Variants in LETM1 observed in about 807,000 individuals in gnomAD.
The protein encoded by LETM1 is leucine zipper and EF-hand containing transmembrane protein 1.
A neutral mutation model predicts 74.5 loss-of-function variants in LETM1; 50 were observed. The ratio of observed to expected loss-of-function variants is 0.67; its 90% CI spans 0.53 to 0.85. The LOEUF (loss-of-function observed/expected upper bound fraction) is 0.85, where lower values mean the gene tolerates loss of function less well. Among genes scored for constraint, LETM1 ranks in the 40% least tolerant of loss-of-function variants. The pLI, the probability that LETM1 is intolerant of heterozygous loss-of-function variation, is 0.00. For synonymous variants in LETM1, 446 were observed against 407.1 expected (o/e 1.10, Z -1.15); for missense variants, 824 against 967.8 (o/e 0.85, Z 1.97).
rs957758166 is a variant in LETM1, at chr4:1,855,958, G to A, written c.-8C>T. ...CAGTAAGATGGACGCCATGTGCTCG[G>A]GCGCGGCGGCCGCTCCGGCCTCCTG... On this transcript the variant is annotated 5_prime_UTR_variant, in exon 1 of 14. Transcript: ENST00000302787. 2.5e-6 allele frequency: 3 copies of A among 1,212,792 alleles called. No individual in the cohort carries two copies. Among genetic ancestry groups the A allele is most frequent in the South Asian group, 3.9e-5 (1 of 25,690 alleles). The allele number at this position is 1,212,792 out of a possible 1,614,324, so 75.1% of individuals were successfully genotyped here.
chr4:1,834,544 A>G lies in LETM1; in HGVS notation c.876+301T>C. Reference sequence around the variant, plus strand: ...CAAGCCACCCACACCTCACACCATCAGGGTCTCAGGCTCCTCATGGGTCAG... The same window carrying G: ...CAAGCCACCCACACCTCACACCATCGGGGTCTCAGGCTCCTCATGGGTCAG... On this transcript the variant is annotated intron_variant, in intron 5 of 13. Transcript: ENST00000302787. The surrounding 1 kb of genome is among the most constrained non-coding windows in gnomAD (Gnocchi z 5.0). 3 of 1,158,404 alleles carry G rather than the reference A, an allele frequency of 2.6e-6. No individual in the cohort carries two copies. The highest frequency in any genetic ancestry group is 3.2e-6 in the Non-Finnish European group (3 of 936,130). The allele number at this position is 1,158,404 out of a possible 1,614,324, so 71.8% of individuals were successfully genotyped here.
rs765304360 is a variant in LETM1, at chr4:1,823,036, G to C, written c.1428C>G (p.Ile476Met). The C allele has an allele frequency of 6.2e-7, 1 of 1,608,742 alleles. No homozygotes were observed. The highest frequency in any genetic ancestry group is 8.5e-7 in the Non-Finnish European group (1 of 1,177,064). Reference sequence around the variant, plus strand: ...GCTCCTTCTCACGGTGCTCCTGCTGGATGGCCGCCTCCTCCTGCAGCGTGG... The same window carrying C: ...GCTCCTTCTCACGGTGCTCCTGCTGCATGGCCGCCTCCTCCTGCAGCGTGG... ...LEATLQEEAA[I>M]QQEHREKELQ... Residue 476 changes from isoleucine (I) to methionine (M), a missense_variant, in exon 9 of 14, where the codon ATC becomes ATG. By Grantham distance (10) the Ile-to-Met change is conservative. Around this residue, in one of 4 missense-constraint regions of LETM1, gnomAD observed 172 missense variants for 170.7 expected, o/e 1.01. Coordinates refer to ENST00000302787, the MANE Select transcript of LETM1 (RefSeq NM_012318.3).
At chr4:1,817,155 G>A (rs1234433000) in intron 11 of LETM1, among the ~76,000 whole-genome samples, 1 of 145,384 alleles carries the variant, frequency 6.9e-6, no homozygotes, top group East Asian at 2.0e-4. Flanking sequence ...TGAGGCAGGA[G>A]AATCGCTTGA....
intron 3 of LETM1, among the ~76,000 whole-genome samples, chr4:1,838,593 C>T (rs1712570927): frequency 6.6e-6 from 1 of 152,160 alleles, no homozygotes; most frequent in African/African-American, 2.4e-5. Flanking sequence ...AGGAGGATCC[C>T]TTATGCCCGG....
intron 4 of LETM1, 138 bp from the exon 5 acceptor site, chr4:1,835,120 T>A: frequency 2.5e-6 from 2 of 793,154 alleles, no homozygotes; most frequent in Non-Finnish European, 3.9e-6. Context: ...TGCAATACAT[T>A]CTCAAACTCT....
intron 13 of LETM1, among the ~76,000 whole-genome samples, chr4:1,815,102 T>C (rs933202703): frequency 5.3e-5 from 8 of 152,142 alleles, no homozygotes; most frequent in African/African-American, 1.9e-4. Context: ...TTGGGAAAAT[T>C]GGTGTGCGCA....
chr4:1,849,037 G>A, intron 2 of LETM1, 112 bp downstream of exon 2: 1 of 743,296 alleles, frequency 1.3e-6, no homozygotes, highest in East Asian at 2.6e-5. Flanking sequence ...ACAAAGAACA[G>A]GAAAGTAGGA....
chr4:1,851,917 C>A (rs1040236547), intron 1 of LETM1, among the ~76,000 whole-genome samples: 7 of 152,226 alleles, frequency 4.6e-5, no homozygotes. Context: ...CCTGTTCTGA[C>A]GGCTTCTGTC....
intron 10 of LETM1, among the ~76,000 whole-genome samples, chr4:1,821,147 A>G (rs979629682): frequency 1.1e-4 from 17 of 148,108 alleles, no homozygotes; most frequent in Non-Finnish European, 1.8e-4. Context: ...TTTTTGAGAC[A>G]GAGTCTCACT....
In LETM1 at chr4:1,852,909, C is replaced by G. The variant is rs551847399; in HGVS notation, c.82+2960G>C. ...CAGGAAACTTCCAGGGTTCTCAGCC[C>G]TCAGTGCTGGTGCCAGGATCAGGTC... On this transcript the variant is annotated intron_variant, in intron 1 of 13. Coordinates refer to ENST00000302787, the MANE Select transcript of LETM1 (RefSeq NM_012318.3). Among the ~76,000 whole-genome samples, 5 of 152,322 alleles carry G rather than the reference C, an allele frequency of 3.3e-5. No homozygotes were observed. In the East Asian group the frequency reaches 9.6e-4, roughly 29 times the overall value.
Position 1,856,073 on chromosome 4 carries a change from T to G in LETM1, c.-123A>C. 1 of 534,322 alleles carries G rather than the reference T, an allele frequency of 1.9e-6. No homozygotes were observed. The highest frequency in any genetic ancestry group is 2.7e-6 in the Non-Finnish European group (1 of 365,604). 33.1% of individuals were successfully genotyped at this position (534,322 alleles called of 1,614,324 possible). A position where few individuals can be genotyped will look rare whatever the true frequency, so the allele number is the denominator to read the frequency against. On this transcript the variant is annotated 5_prime_UTR_variant, in exon 1 of 14. Transcript: ENST00000302787. ...CGCGCGGACGGCTGACAGAGGCGGC[T>G]GGCCTCGGACGGGAGGCGCTCTCCT...
At chr4:1,827,891 C>A (rs1712058276) in intron 6 of LETM1, among the ~76,000 whole-genome samples, 1 of 151,048 alleles carries the variant, frequency 6.6e-6, no homozygotes, top group Admixed American at 6.6e-5. Flanking sequence ...CCCCCACCTC[C>A]CGGACGGGGC....
chr4:1,854,022 A>G (rs1358452878), intron 1 of LETM1, among the ~76,000 whole-genome samples: 1 of 152,234 alleles, frequency 6.6e-6, no homozygotes, highest in African/African-American at 2.4e-5. Flanking sequence ...CGAAGTGTTA[A>G]AAGTACTTTT....
chr4:1,839,808 G>A (rs545969437), intron 3 of LETM1, among the ~76,000 whole-genome samples: 3 of 152,358 alleles, frequency 2.0e-5, no homozygotes, highest in Non-Finnish European at 4.4e-5. Context: ...GGAGCTTCCA[G>A]AAAGCTGAAC....
intron 6 of LETM1, among the ~76,000 whole-genome samples, chr4:1,828,068 C>T (rs1323918588): frequency 2.9e-5 from 4 of 139,886 alleles, no homozygotes; most frequent in African/African-American, 5.6e-5. Context: ...ACCTCCCTCC[C>T]GGACGGGGCG....
chr4:1,814,376 T>C lies in LETM1; in HGVS notation c.*48A>G, dbSNP rs988398821. On this transcript the variant is annotated 3_prime_UTR_variant, in exon 14 of 14. Coordinates refer to ENST00000302787, the MANE Select transcript of LETM1 (RefSeq NM_012318.3). ...ACAAAGCAATCGCCCTCACGGCCCTTGCCAGGGTGACGGCACAGCAGGAGG... is the reference window on the plus strand; with the variant it reads ...ACAAAGCAATCGCCCTCACGGCCCTCGCCAGGGTGACGGCACAGCAGGAGG... 2.5e-6 allele frequency: 4 copies of C among 1,613,114 alleles called. No individual in the cohort carries two copies. Among genetic ancestry groups the C allele is most frequent in the African/African-American group, 1.3e-5 (1 of 74,942 alleles).
chr4:1,817,245 CAAAAAAAA>C (rs60805612), intron 11 of LETM1, among the ~76,000 whole-genome samples: 4 of 66,070 alleles, frequency 6.1e-5, no homozygotes, highest in South Asian at 6.6e-4. Context: ...ACTCTGTCTC[CAAAAAAAA>C]AAAAAAAAAA....
In LETM1 at chr4:1,833,220, G is replaced by A. The variant is rs968875688; in HGVS notation, c.877-273C>T. 8.1e-5 allele frequency: 36 copies of A among 446,404 alleles called. No homozygotes were observed. In the East Asian group the frequency reaches 1.4e-3, roughly 17 times the overall value. The allele number at this position is 446,404 out of a possible 1,614,324, so 27.7% of individuals were successfully genotyped here. Reference sequence around the variant, plus strand: ...CCGAGTAGCTGGGATTACAGGCTGCGCCACCACACCCAGCTAATTTTTGTA... The same window carrying A: ...CCGAGTAGCTGGGATTACAGGCTGCACCACCACACCCAGCTAATTTTTGTA... On this transcript the variant is annotated intron_variant, in intron 5 of 13. Coordinates refer to ENST00000302787, the MANE Select transcript of LETM1 (RefSeq NM_012318.3).
Position 1,816,603 on chromosome 4 carries a change from G to A in LETM1, c.1931+124C>T, listed in dbSNP as rs556420675. On this transcript the variant is annotated intron_variant, in intron 12 of 13. Coordinates refer to ENST00000302787, the MANE Select transcript of LETM1 (RefSeq NM_012318.3). ...TGGGACTGCTGGTCAAAGGTGGAGA[G>A]GCAGCCAGGCAGAGGCTACAATGTG... is the stretch of plus-strand genomic sequence containing the variant. The A allele has an allele frequency of 1.2e-4, 105 of 882,056 alleles. No homozygotes were observed. In the East Asian group the frequency reaches 1.7e-3, roughly 15 times the overall value. The allele number at this position is 882,056 out of a possible 1,614,324, so 54.6% of individuals were successfully genotyped here. A position where few individuals can be genotyped will look rare whatever the true frequency, so the allele number is the denominator to read the frequency against.
Sources: allele counts gnomAD v4.1 joint callset (sites outside exome capture counted in the v4.1 genomes callset), GRCh38; gene constraint gnomAD v4.1.1; regional missense constraint gnomAD v4.1.1; non-coding constraint Gnocchi (gnomAD v3.1); transcripts MANE v1.5; gene names NCBI Gene and HGNC (gene_info 2026-07-23, HGNC 2026-07-21).